ZKSCAN5: variants seen among roughly 807,000 people sequenced by gnomAD.
The protein encoded by ZKSCAN5 is zinc finger with KRAB and SCAN domains 5.
ZKSCAN5 carries 28 observed loss-of-function variants against 60.0 expected under a neutral mutation model. The ratio of observed to expected loss-of-function variants is 0.47; its 90% confidence interval spans 0.35 to 0.64. The LOEUF is 0.64. ZKSCAN5 is among the 30% of genes least tolerant of loss of function. The pLI is 0.01. For missense variants in ZKSCAN5, 881 were observed against 1,034.6 expected (o/e 0.85, Z 2.04); for synonymous variants, 361 against 371.2 (o/e 0.97, Z 0.31).
chr7:99,525,396 C>G (rs972987063), intron 5 of ZKSCAN5, among the ~76,000 whole-genome samples: 1 of 151,880 alleles, frequency 6.6e-6, no homozygotes, highest in African/African-American at 2.4e-5. Flanking sequence ...CGCTTGAGCC[C>G]AAGAGGTTGA....
In ZKSCAN5 at chr7:99,531,113, G is replaced by A; in HGVS notation, c.1384G>A (p.Asp462Asn). The change falls in exon 7 of 7, where the codon GAC becomes AAC. Residue 462 changes from aspartate to asparagine, a missense_variant. By Grantham distance (23) the Asp-to-Asn change is conservative. Transcript: ENST00000326775. ...TTGCTCTTTATTTTTTTTAGGCAGTGACAAAAGAAGTAAGAACACAAAATT... is the reference window on the plus strand; with the variant it reads ...TTGCTCTTTATTTTTTTTAGGCAGTAACAAAAGAAGTAAGAACACAAAATT... The part of the protein sequence containing the change: ...HFREKSQRCS[D>N]KRSKNTKLSV... The A allele has an allele frequency of 6.4e-7, 1 of 1,572,550 alleles. No individual in the cohort carries two copies. The highest frequency in any genetic ancestry group is 1.2e-5 in the South Asian group (1 of 83,620).
Position 99,533,365 on chromosome 7 carries a change from G to A in ZKSCAN5, c.*1116G>A. ...GAGAGAGTTCTGAGCCTGTTTGCTA[G>A]GGAGAGTGAGTGAGTGCTCTTGGGC... On this transcript the variant is annotated 3_prime_UTR_variant, in exon 7 of 7. Coordinates refer to ENST00000326775, the MANE Select transcript of ZKSCAN5 (RefSeq NM_145102.4). The A allele has an allele frequency of 1.7e-6, 1 of 596,218 alleles. No individual in the cohort carries two copies. Among genetic ancestry groups the A allele is most frequent in the Non-Finnish European group, 3.1e-6 (1 of 323,812 alleles). The allele number at this position is 596,218 out of a possible 1,614,324, so 36.9% of individuals were successfully genotyped here.
At position 99,533,724 on chromosome 7, in the gene ZKSCAN5, T is replaced by G. The variant is rs1252524289; in HGVS notation, c.*1475T>G. ...ACCCTTGGATCAGGCCAAGCTAGAC[T>G]TTTTCTGAGCCTTCATCCGTGCTAA... On this transcript the variant is annotated 3_prime_UTR_variant, in exon 7 of 7. Coordinates refer to ENST00000326775, the MANE Select transcript of ZKSCAN5 (RefSeq NM_145102.4). 1.5e-5 allele frequency: 6 copies of G among 398,562 alleles called. No individual in the cohort carries two copies. The highest frequency in any genetic ancestry group is 1.3e-5 in the Non-Finnish European group (3 of 226,348). The allele number at this position is 398,562 out of a possible 1,614,324, so 24.7% of individuals were successfully genotyped here.
intron 3 of ZKSCAN5, among the ~76,000 whole-genome samples, chr7:99,518,063 T>C (rs190535326): frequency 3.3e-5 from 5 of 152,250 alleles, no homozygotes; most frequent in East Asian, 1.9e-4. Context: ...TGGAAGGGAT[T>C]TCTGAGGCTG....
At chr7:99,507,427 TAATG>T (rs1228007706) in intron 2 of ZKSCAN5, among the ~76,000 whole-genome samples, 2 of 151,484 alleles carry the variant, frequency 1.3e-5, no homozygotes, top group African/African-American at 4.9e-5. Flanking sequence ...GTAATATACA[TAATG>T]TATGTGTTTG....
Position 99,512,469 on chromosome 7 carries a change from A to G in ZKSCAN5, c.431A>G (p.Asp144Gly), listed in dbSNP as rs548403010. 9 of 1,613,568 alleles carry G rather than the reference A, an allele frequency of 5.6e-6. No homozygotes were observed. The African/African-American group carries it at 1.1e-4, about 19-fold the overall frequency. Reference protein sequence around the residue: ...ERRQQIVACPDVLPRKMATPG... With the variant: ...ERRQQIVACPGVLPRKMATPG... ...GGTTGTTAGATTGTTGCCTGCCCTG[A>G]TGTGCTTCCTCGGAAGATGGCAACA... The change falls in exon 3 of 7, where the codon GAT (aspartate) becomes GGT (glycine). Residue 144 changes from aspartate (D) to glycine (G), a missense_variant. Physicochemically the swap from Asp to Gly is moderately conservative, Grantham distance 94. This residue lies in a region of ZKSCAN5 where 490 missense variants were observed against 554.5 expected (regional missense o/e 0.88). Coordinates refer to ENST00000326775, the MANE Select transcript of ZKSCAN5 (RefSeq NM_145102.4).
In ZKSCAN5 at chr7:99,512,576, C is replaced by G; in HGVS notation, c.538C>G (p.Leu180Val). ...QPEQAPQKPRLLEENALPVLQ... is the reference protein window; with the variant it reads ...QPEQAPQKPRVLEENALPVLQ... The stretch of plus-strand genomic sequence containing the variant: ...TGAGCAAGCGCCACAGAAGCCTCGT[C>G]TCCTGGAGGAAAATGGTGAGGCTCA... Residue 180 changes from leucine (L) to valine (V), a missense_variant, in exon 3 of 7, where the codon CTC becomes GTC. Leu to Val is a conservative substitution (Grantham distance 32). This residue lies in a region of ZKSCAN5 where 490 missense variants were observed against 554.5 expected (regional missense o/e 0.88). Coordinates refer to ENST00000326775, the MANE Select transcript of ZKSCAN5 (RefSeq NM_145102.4). The G allele has an allele frequency of 1.2e-6, 2 of 1,614,068 alleles. No homozygotes were observed. Among genetic ancestry groups the G allele is most frequent in the Non-Finnish European group, 1.7e-6 (2 of 1,179,968 alleles).
In ZKSCAN5 at chr7:99,525,817, T is replaced by C. The variant is rs778458599; in HGVS notation, c.777T>C (p.Tyr259=). 3 of 1,590,808 alleles carry C rather than the reference T, an allele frequency of 1.9e-6. No homozygotes were observed. The highest frequency in any genetic ancestry group is 2.3e-5 in the East Asian group (1 of 44,408). ...ATTCTCCCTCTGTTATTTCAGGTTATGAGTCCAGGGACAATATGGAGCTCA... is the reference window on the plus strand; with the variant it reads ...ATTCTCCCTCTGTTATTTCAGGTTACGAGTCCAGGGACAATATGGAGCTCA... ...ENYGSITSMG[Y]ESRDNMELIV... Residue 259 remains tyrosine (Y), a synonymous_variant, in exon 6 of 7, where the codon TAT becomes TAC. Transcript: ENST00000326775.
rs761442531 is a variant in ZKSCAN5 at position 99,519,820 on chromosome 7, C to A, written c.554-7C>A. On this transcript the variant is annotated splice_region_variant and splice_polypyrimidine_tract_variant and intron_variant, in intron 3 of 6. Coordinates refer to ENST00000326775, the MANE Select transcript of ZKSCAN5 (RefSeq NM_145102.4). The stretch of plus-strand genomic sequence containing the variant: ...TCTCACTTAAACCTCTTTTTCTCCT[C>A]CCTTAGCCCTTCCTGTTCTCCAAGT... The A allele has an allele frequency of 6.2e-7, 1 of 1,613,244 alleles. No homozygotes were observed. Among genetic ancestry groups the A allele is most frequent in the Non-Finnish European group, 8.5e-7 (1 of 1,179,720 alleles).
intron 5 of ZKSCAN5, among the ~76,000 whole-genome samples, chr7:99,524,835 G>A (rs1012721186): frequency 6.6e-6 from 1 of 152,104 alleles, no homozygotes; most frequent in East Asian, 1.9e-4. Context: ...GTGAAGATGG[G>A]GTTAGCTGCA....
chr7:99,507,499 G>GTTTATATATATGTATATATA (rs1800799747), intron 2 of ZKSCAN5, among the ~76,000 whole-genome samples: 1 of 130,868 alleles, frequency 7.6e-6, no homozygotes, highest in African/African-American at 3.0e-5. Flanking sequence ...ATGTATATAT[G>GTTTATATATATGTATATATA]TGTATATATA....
chr7:99,505,461 T>C (rs1474775715), intron 1 of ZKSCAN5: 1 of 152,654 alleles, frequency 6.6e-6, no homozygotes, highest in Non-Finnish European at 1.5e-5. Flanking sequence ...ACAGTCTCTG[T>C]ATCTCGGGGT....
intron 6 of ZKSCAN5, among the ~76,000 whole-genome samples, chr7:99,530,802 A>G (rs1014120911): frequency 1.3e-5 from 2 of 152,182 alleles, no homozygotes; most frequent in Non-Finnish European, 2.9e-5. Flanking sequence ...TAAACCTGTA[A>G]TCCCAGCACT....
At position 99,506,426 on chromosome 7, in the gene ZKSCAN5, A is replaced by T. The variant is rs777649511; in HGVS notation, c.382A>T (p.Ile128Leu). 1 of 1,613,634 alleles carries T rather than the reference A, an allele frequency of 6.2e-7. No individual in the cohort carries two copies. Among genetic ancestry groups the T allele is most frequent in the Non-Finnish European group, 8.5e-7 (1 of 1,179,602 alleles). ...AGAGGCGGTGGCCGTGATAGAAAAT[A>T]TACAGCGAGAACTTGAGGAACGCAG... is the stretch of plus-strand genomic sequence containing the variant. ...GEEAVAVIEN[I>L]QRELEERRQQ... Residue 128 changes from isoleucine (I) to leucine (L), a missense_variant, in exon 2 of 7, where the codon ATA becomes TTA. Coordinates refer to ENST00000326775, the MANE Select transcript of ZKSCAN5 (RefSeq NM_145102.4).
intron 6 of ZKSCAN5, 68 bp from the exon 7 acceptor site, chr7:99,531,040 G>C (rs1658034418): frequency 2.1e-6 from 3 of 1,412,694 alleles, no homozygotes; most frequent in Non-Finnish European, 2.9e-6. Flanking sequence ...CTGGGCGACA[G>C]AGCAAGACCC....
chr7:99,533,161 G>T lies in ZKSCAN5; in HGVS notation c.*912G>T. 1 of 540,798 alleles carries T rather than the reference G, an allele frequency of 1.8e-6. No homozygotes were observed. Among genetic ancestry groups the T allele is most frequent in the Admixed American group, 2.2e-5 (1 of 44,860 alleles). 33.5% of individuals were successfully genotyped at this position (540,798 alleles called of 1,614,324 possible). A position where few individuals can be genotyped will look rare whatever the true frequency, so the allele number is the denominator to read the frequency against. Reference sequence around the variant, plus strand: ...CCCAGCAGTATGTGTGCTGACTTCTGGGTGCCCCAGAAATAGACCTCTCCT... The same window carrying T: ...CCCAGCAGTATGTGTGCTGACTTCTTGGTGCCCCAGAAATAGACCTCTCCT... On this transcript the variant is annotated 3_prime_UTR_variant, in exon 7 of 7. Coordinates refer to ENST00000326775, the MANE Select transcript of ZKSCAN5 (RefSeq NM_145102.4).
At chr7:99,524,855 A>C (rs147565865) in intron 5 of ZKSCAN5, among the ~76,000 whole-genome samples, 4 of 152,216 alleles carry the variant, frequency 2.6e-5, no homozygotes, top group South Asian at 2.1e-4. Context: ...ATAACCTGCT[A>C]TCCAGTTTTA....
intron 5 of ZKSCAN5, among the ~76,000 whole-genome samples, chr7:99,525,267 T>G (rs1040236084): frequency 6.7e-6 from 1 of 150,252 alleles, no homozygotes; most frequent in Non-Finnish European, 1.5e-5. Flanking sequence ...AGCTCAGGAG[T>G]TTGAAACCAG....
At chr7:99,510,303 G>T (rs1278150854) in intron 2 of ZKSCAN5, among the ~76,000 whole-genome samples, 1 of 151,840 alleles carries the variant, frequency 6.6e-6, no homozygotes, top group Non-Finnish European at 1.5e-5. Context: ...GCAGTGGCCT[G>T]ATCTTGGCTT....
Sources: gnomAD v4.1 joint callset for allele counts (sites outside exome capture counted in the v4.1 genomes callset) on GRCh38, gnomAD v4.1.1 for gene constraint, gnomAD v4.1.1 regional missense constraint, MANE v1.5 for transcripts, NCBI Gene and HGNC (gene_info 2026-07-23, HGNC 2026-07-21) for gene names.